MIER3: variants seen among roughly 807,000 people sequenced by gnomAD.
The protein encoded by MIER3 is MIER family member 3.
A neutral mutation model predicts 63.2 loss-of-function variants in MIER3; 9 were observed. The ratio of observed to expected loss-of-function variants is 0.14; its 90% CI spans 0.09 to 0.25. The LOEUF is 0.25. Ranked by LOEUF, MIER3 falls within the 10% of genes least tolerant of loss-of-function variation. The pLI, the probability that MIER3 is intolerant of heterozygous loss-of-function variation, is 1.00. For missense variants in MIER3, 512 were observed against 666.2 expected (o/e 0.77, Z 2.55); for synonymous variants, 205 against 224.9 (o/e 0.91, Z 0.79).
chr5:56,941,209 G>A, intron 3 of MIER3: 2 of 890,106 alleles, frequency 2.2e-6, no homozygotes, highest in Non-Finnish European at 2.7e-6. Context: ...ATGATACAAT[G>A]TGATGGCTTC....
chr5:56,947,246 T>G, intron 2 of MIER3, 175 bp from the exon 3 acceptor site: 1 of 594,550 alleles, frequency 1.7e-6, no homozygotes, highest in South Asian at 3.3e-5. Flanking sequence ...TGAAAATATG[T>G]CTAAATCAGC....
intron 1 of MIER3, among the ~76,000 whole-genome samples, chr5:56,951,761 G>GC (rs1220775927): frequency 1.3e-5 from 2 of 151,536 alleles, no homozygotes; most frequent in Non-Finnish European, 3.0e-5. Flanking sequence ...GGCGCCGGCG[G>GC]CCCGCGTCAG....
At chr5:56,932,213 T>C (rs138611541) in intron 8 of MIER3, among the ~76,000 whole-genome samples, 9,236 of 152,088 alleles carry the variant, frequency 0.061, 305 homozygotes, top group Middle Eastern at 0.078. Context: ...TGAGCTGACA[T>C]TGCGCCACTG....
chr5:56,943,587 T>C (rs1750725093), intron 3 of MIER3, among the ~76,000 whole-genome samples: 1 of 152,190 alleles, frequency 6.6e-6, no homozygotes, highest in South Asian at 2.1e-4. Context: ...GTTCAAGGGA[T>C]GACACGGGTG....
intron 9 of MIER3, 144 bp from the exon 10 acceptor site, chr5:56,929,005 A>ACTCT (rs1554041077): frequency 1.6e-5 from 8 of 510,936 alleles, no homozygotes; most frequent in South Asian, 5.5e-5. Context: ...ACACACACAC[A>ACTCT]CTCTCTCTCT....
intron 1 of MIER3, 30 bp downstream of exon 1, chr5:56,952,064 C>A (rs1172308793): frequency 7.7e-7 from 1 of 1,290,798 alleles, no homozygotes; most frequent in East Asian, 3.9e-5. Flanking sequence ...CGCTCCAGCC[C>A]GGCTGCTCCT....
intron 1 of MIER3, 103 bp from the exon 2 acceptor site, chr5:56,950,755 A>C: frequency 7.6e-7 from 1 of 1,307,710 alleles, no homozygotes; most frequent in South Asian, 1.2e-5. Context: ...GCTCCTCCGC[A>C]GCTGCCAAAA....
rs1251277897 is a variant in MIER3, at chr5:56,951,831, C to T, written c.9+263G>A. 4.0e-5 allele frequency among the ~76,000 whole-genome samples: 6 copies of T among 151,524 alleles called. No homozygotes were observed. The East Asian group carries it at 1.2e-3, about 29-fold the overall frequency. ...CAGGGCTCACTGCAGCCGGCCGCCA[C>T]CTCCGTCCGGCTCGGTCGCCCGGCC... is the stretch of plus-strand genomic sequence containing the variant. On this transcript the variant is annotated intron_variant, in intron 1 of 12. Coordinates refer to ENST00000381199, the MANE Select transcript of MIER3 (RefSeq NM_001297599.2).
chr5:56,951,392 C>G (rs1266096859), intron 1 of MIER3, among the ~76,000 whole-genome samples: 1 of 152,048 alleles, frequency 6.6e-6, no homozygotes, highest in East Asian at 1.9e-4. Flanking sequence ...GCTTCGCTCG[C>G]CCAGCCTTCC....
intron 3 of MIER3, among the ~76,000 whole-genome samples, chr5:56,939,438 A>G (rs892583203): frequency 2.6e-5 from 4 of 152,236 alleles, no homozygotes; most frequent in African/African-American, 9.6e-5. Context: ...TAATTAGAAG[A>G]CACCTGGTAG....
chr5:56,924,401 T>G (rs1234890849), intron 10 of MIER3, among the ~76,000 whole-genome samples: 1 of 152,236 alleles, frequency 6.6e-6, no homozygotes, highest in Non-Finnish European at 1.5e-5. Flanking sequence ...GTGAGGGTTC[T>G]TAACTTTGGA....
At position 56,946,976 on chromosome 5, in the gene MIER3, T is replaced by C. The variant is rs1442456413; in HGVS notation, c.130A>G (p.Met44Val). ...DDERTLEEEEMMDEGKNFSSE... is the reference protein window; with the variant it reads ...DDERTLEEEEVMDEGKNFSSE... The stretch of plus-strand genomic sequence containing the variant: ...CTGAAGTTTTTACCCTCATCCATCA[T>C]TTCCTCTTCTTCAAGAGTTCTTTCA... The change falls in exon 3 of 13, where the codon ATG becomes GTG. Residue 44 changes from methionine (M) to valine (V), a missense_variant. Coordinates refer to ENST00000381199, the MANE Select transcript of MIER3 (RefSeq NM_001297599.2). The C allele has an allele frequency of 6.2e-7, 1 of 1,608,878 alleles. No individual in the cohort carries two copies. The highest frequency in any genetic ancestry group is 8.5e-7 in the Non-Finnish European group (1 of 1,178,284).
chr5:56,938,364 G>C (rs1750526418), intron 4 of MIER3: 1 of 470,914 alleles, frequency 2.1e-6, no homozygotes, highest in Non-Finnish European at 4.4e-6. Context: ...AGGTTCCCAG[G>C]GATCTGTTAG....
intron 9 of MIER3, 122 bp from the exon 10 acceptor site, chr5:56,928,983 TCTCTCTCTCACACACACACACA>T: frequency 6.2e-6 from 3 of 481,398 alleles, no homozygotes; most frequent in Non-Finnish European, 7.3e-6. Flanking sequence ...ACACACACAC[TCTCTCTCTCACACACACACACA>T]CTCTCTCTCT....
intron 2 of MIER3, among the ~76,000 whole-genome samples, chr5:56,949,199 T>C (rs541474236): frequency 2.0e-5 from 3 of 152,040 alleles, no homozygotes; most frequent in Admixed American, 2.0e-4. Context: ...CTACTAAAAA[T>C]ACAAAAAAAT....
intron 5 of MIER3, chr5:56,936,903 A>G (rs1750465470): frequency 6.6e-6 from 1 of 152,180 alleles, no homozygotes; most frequent in African/African-American, 2.4e-5. Flanking sequence ...CCTTTTGAGC[A>G]CTGATAAGTT....
At chr5:56,924,986 A>G (rs1271469495) in intron 10 of MIER3, among the ~76,000 whole-genome samples, 1 of 152,164 alleles carries the variant, frequency 6.6e-6, no homozygotes, top group Non-Finnish European at 1.5e-5. Context: ...GGGGCTACAG[A>G]CCTTTTCTGT....
At chr5:56,930,087 CTAAG>C (rs796700285) in intron 9 of MIER3, among the ~76,000 whole-genome samples, 133 of 151,974 alleles carry the variant, frequency 8.8e-4, no homozygotes, top group African/African-American at 3.1e-3. Context: ...AGTAATATTA[CTAAG>C]TATTATTTTC....
intron 8 of MIER3, among the ~76,000 whole-genome samples, chr5:56,931,940 G>A (rs1188957611): frequency 6.6e-6 from 1 of 152,106 alleles, no homozygotes; most frequent in Admixed American, 6.5e-5. Flanking sequence ...AGTTTCAACA[G>A]TTTAAGATAC....
Sources: allele counts gnomAD v4.1 joint callset (sites outside exome capture counted in the v4.1 genomes callset), GRCh38; gene constraint gnomAD v4.1.1; transcripts MANE v1.5; gene names NCBI Gene and HGNC (gene_info 2026-07-23, HGNC 2026-07-21).